The following NMNAT1 variants were observed in gnomAD, a reference collection of about 807,000 sequenced individuals.
NMNAT1 encodes nicotinamide/nicotinic acid mononucleotide adenylyltransferase 1.
A neutral mutation model predicts 16.7 loss-of-function variants in NMNAT1; 11 were observed. That is an observed-to-expected ratio of 0.66 (90% CI 0.41 to 1.09). The LOEUF (loss-of-function observed/expected upper bound fraction) is 1.09. NMNAT1 is among the 50% of genes least tolerant of loss of function. The pLI is 0.00. For missense variants in NMNAT1, 280 were observed against 332.3 expected (o/e 0.84, Z 1.22); for synonymous variants, 110 against 119.8 (o/e 0.92, Z 0.53).
downstream of NMNAT1, among the ~76,000 whole-genome samples, chr1:9,986,226 AAC>A (rs1642043733): frequency 2.6e-5 from 4 of 152,350 alleles, no homozygotes; most frequent in Admixed American, 2.6e-4. Context: ...GAAAATAGCA[AAC>A]ACACAAAATT....
intron 2 of NMNAT1, among the ~76,000 whole-genome samples, chr1:9,972,805 G>A (rs181205995): frequency 5.9e-5 from 9 of 152,050 alleles, no homozygotes; most frequent in Admixed American, 5.2e-4. Flanking sequence ...AAAAAAAATT[G>A]TAAACATTAG....
chr1:9,990,185 C>T (rs566630681), downstream of NMNAT1, among the ~76,000 whole-genome samples: 64 of 152,290 alleles, frequency 4.2e-4, no homozygotes, highest in South Asian at 0.013. Context: ...GATCTAAACA[C>T]GGACATCTAT....
At chr1:9,963,962 G>C (rs1477740490) in intron 1 of NMNAT1, among the ~76,000 whole-genome samples, 2 of 151,570 alleles carry the variant, frequency 1.3e-5, no homozygotes, top group African/African-American at 4.8e-5. Flanking sequence ...CGTGATCTCA[G>C]CTCACTGCAA....
intron 1 of NMNAT1, chr1:9,951,117 C>G (rs1298495670): frequency 6.6e-6 from 1 of 151,304 alleles, no homozygotes; most frequent in African/African-American, 2.4e-5. Context: ...GGAACTAGAG[C>G]TTAATATTCT....
In NMNAT1 at chr1:9,985,426, A is replaced by G. The variant is rs1642032823; in HGVS notation, c.*2725A>G. The G allele has an allele frequency of 6.6e-6, 1 of 152,194 alleles. No individual in the cohort carries two copies. The highest frequency in any genetic ancestry group is 6.6e-5 in the Admixed American group (1 of 15,252). The allele number at this position is 152,194 out of a possible 1,614,324, so 9.4% of individuals were successfully genotyped here. ...CTTTCTGTAAAATATTACTTTTCAA[A>G]GAATGAAGTTGTAGCCAAATCTTGA... is the stretch of plus-strand genomic sequence containing the variant. On this transcript the variant is annotated 3_prime_UTR_variant, in exon 5 of 5. Transcript: ENST00000377205.
chr1:9,955,339 G>A (rs1194053054), intron 1 of NMNAT1, among the ~76,000 whole-genome samples: 1 of 149,052 alleles, frequency 6.7e-6, no homozygotes, highest in East Asian at 2.0e-4. Context: ...GGGAGGCGGA[G>A]GTTGCAGTGA....
At chr1:9,991,578 A>AG in the NMNAT1 span, among the ~76,000 whole-genome samples, 4 of 152,200 alleles carry the variant, frequency 2.6e-5, no homozygotes, top group African/African-American at 4.8e-5. Flanking sequence ...GGAAAAGGTC[A>AG]TAGCCAGTCA....
At chr1:9,967,690 G>A (rs1190965029) in intron 1 of NMNAT1, among the ~76,000 whole-genome samples, 1 of 152,096 alleles carries the variant, frequency 6.6e-6, no homozygotes, top group Non-Finnish European at 1.5e-5. Context: ...ATTGCTTGCT[G>A]AGCACAGTGG....
chr1:9,976,529 T>C (rs1055359990), intron 3 of NMNAT1, among the ~76,000 whole-genome samples: 3 of 152,182 alleles, frequency 2.0e-5, no homozygotes, highest in Admixed American at 6.6e-5. Context: ...CATGACAGCA[T>C]CTGGGCAGGG....
rs374729464 is a variant in NMNAT1 at position 9,982,457 on chromosome 1, A to G, written c.596A>G (p.Glu199Gly). ...AATGATGCTCAGAAGTTTATCTATG[A>G]ATCGGATGTGCTGTGGAAACACCGG... is the stretch of plus-strand genomic sequence containing the variant. ...AGNDAQKFIYESDVLWKHRSN... is the reference protein window; with the variant it reads ...AGNDAQKFIYGSDVLWKHRSN... The change falls in exon 5 of 5, where the codon GAA becomes GGA. Residue 199 changes from glutamate to glycine, a missense_variant. Coordinates refer to ENST00000377205, the MANE Select transcript of NMNAT1 (RefSeq NM_022787.4). 6.2e-7 allele frequency: 1 copy of G among 1,614,024 alleles called. No homozygotes were observed. The highest frequency in any genetic ancestry group is 8.5e-7 in the Non-Finnish European group (1 of 1,180,042).
At chr1:9,975,880 C>T in intron 3 of NMNAT1, 105 bp downstream of exon 3, 2 of 910,340 alleles carry the variant, frequency 2.2e-6, no homozygotes, top group Non-Finnish European at 3.4e-6. Flanking sequence ...TACAGATTTG[C>T]AAAACTGTCA....
chr1:9,979,622 A>G (rs979236797), intron 3 of NMNAT1, among the ~76,000 whole-genome samples: 1 of 151,954 alleles, frequency 6.6e-6, no homozygotes, highest in Non-Finnish European at 1.5e-5. Flanking sequence ...AACATGGTGA[A>G]ACCCTGTCTC....
chr1:9,961,276 G>C (rs1220005436), intron 1 of NMNAT1, among the ~76,000 whole-genome samples: 1 of 152,126 alleles, frequency 6.6e-6, no homozygotes, highest in African/African-American at 2.4e-5. Context: ...AACTGCAGCA[G>C]CTCCCTTGAG....
chr1:9,986,109 A>C (rs1207739125), downstream of NMNAT1, among the ~76,000 whole-genome samples: 1 of 152,016 alleles, frequency 6.6e-6, no homozygotes, highest in Non-Finnish European at 1.5e-5. Context: ...TGTCTTACCA[A>C]GTCTAAATGA....
chr1:9,973,867 T>G (rs2101697382), intron 2 of NMNAT1, among the ~76,000 whole-genome samples: 1 of 149,316 alleles, frequency 6.7e-6, no homozygotes, highest in African/African-American at 2.5e-5. Context: ...CTACAGAGTC[T>G]CGCTCTGTCG....
At chr1:9,942,950 C>A (rs1451892095), upstream of NMNAT1, 1 of 353,362 alleles carries the variant, frequency 2.8e-6, no homozygotes, top group Non-Finnish European at 5.6e-6. Flanking sequence ...CTAGCGAGGC[C>A]GAGAGGGTCT....
intron 3 of NMNAT1, among the ~76,000 whole-genome samples, chr1:9,976,749 C>A (rs1479740787): frequency 6.6e-6 from 1 of 152,036 alleles, no homozygotes; most frequent in Non-Finnish European, 1.5e-5. Context: ...CTCAGCCTCC[C>A]AAGTAGCTGG....
At chr1:9,989,738 A>G (rs1340427995), downstream of NMNAT1, among the ~76,000 whole-genome samples, 1 of 152,170 alleles carries the variant, frequency 6.6e-6, no homozygotes, top group East Asian at 1.9e-4. Flanking sequence ...TTCCTCCTGG[A>G]CACTGGACAA....
At chr1:9,945,985 C>A (rs1040573464) in intron 1 of NMNAT1, among the ~76,000 whole-genome samples, 6 of 152,136 alleles carry the variant, frequency 3.9e-5, no homozygotes, top group African/African-American at 1.4e-4. Flanking sequence ...AACTCCTGGG[C>A]TCAAGTAATC....
Sources: allele counts gnomAD v4.1 joint callset (sites outside exome capture counted in the v4.1 genomes callset), GRCh38; gene constraint gnomAD v4.1.1; transcripts MANE v1.5; gene names NCBI Gene and HGNC (gene_info 2026-07-23, HGNC 2026-07-21).